ABHD13: variants seen among roughly 807,000 people sequenced by gnomAD.
ABHD13 encodes abhydrolase domain containing 13.
In ABHD13, 7 loss-of-function variants were observed where a neutral mutation model predicts 25.2. The observed-to-expected ratio is 0.28, with a 90% CI of 0.16 to 0.52. The LOEUF (loss-of-function observed/expected upper bound fraction) is 0.52, where lower values mean the gene tolerates loss of function less well. Ranked by LOEUF, ABHD13 falls within the 20% of genes least tolerant of loss-of-function variation. ABHD13 has a pLI of 0.96. For synonymous variants in ABHD13, 133 were observed against 136.1 expected (o/e 0.98, Z 0.16); for missense variants, 302 against 402.7 (o/e 0.75, Z 2.14).
At chr13:108,227,557 A>G (rs1182180896) in intron 1 of ABHD13, among the ~76,000 whole-genome samples, 2 of 152,066 alleles carry the variant, frequency 1.3e-5, no homozygotes, top group Non-Finnish European at 2.9e-5. Flanking sequence ...TTATTCGTGT[A>G]TTTGGAGCTA....
chr13:108,230,060 A>T lies in ABHD13; in HGVS notation c.842A>T (p.Glu281Val). 6.2e-7 allele frequency: 1 copy of T among 1,613,140 alleles called. No homozygotes were observed. Among genetic ancestry groups the T allele is most frequent in the Non-Finnish European group, 8.5e-7 (1 of 1,179,362 alleles). The change falls in exon 2 of 2, where the codon GAA becomes GTA. Residue 281 changes from glutamate (E) to valine (V), a missense_variant. By Grantham distance (121) the Glu-to-Val change is moderately radical. Coordinates refer to ENST00000375898, the MANE Select transcript of ABHD13 (RefSeq NM_032859.3). The stretch of plus-strand genomic sequence containing the variant: ...CCAGTAATGATGAAACAACTTTATG[A>T]ACTCTCCCCATCTCGGACTAAGAGA... Reference protein sequence around the residue: ...IPPVMMKQLYELSPSRTKRLA... With the variant: ...IPPVMMKQLYVLSPSRTKRLA...
Position 108,230,441 on chromosome 13 carries a change from T to G in ABHD13, c.*209T>G. On this transcript the variant is annotated 3_prime_UTR_variant, in exon 2 of 2. Coordinates refer to ENST00000375898, the MANE Select transcript of ABHD13 (RefSeq NM_032859.3). ...CTTTCATACATTTTCATCAAAACTT[T>G]CAGTGTGATTATGTATTCATATCTT... The G allele has an allele frequency of 2.0e-6, 1 of 504,484 alleles. No individual in the cohort carries two copies. The highest frequency in any genetic ancestry group is 3.6e-6 in the Non-Finnish European group (1 of 278,040). 31.3% of individuals were successfully genotyped at this position (504,484 alleles called of 1,614,324 possible).
At chr13:108,224,949 G>A (rs910909793) in intron 1 of ABHD13, among the ~76,000 whole-genome samples, 2 of 152,134 alleles carry the variant, frequency 1.3e-5, no homozygotes, top group South Asian at 2.1e-4. Context: ...ATAAAGATTA[G>A]TTATGCTTTC....
intron 1 of ABHD13, among the ~76,000 whole-genome samples, chr13:108,222,484 G>T (rs1016119133): frequency 1.3e-5 from 2 of 151,984 alleles, no homozygotes; most frequent in African/African-American, 4.8e-5. Context: ...AAGTCTCTGG[G>T]GCATAAGGCA....
rs1304268275 is a variant in ABHD13 at position 108,233,614 on chromosome 13, G to A, written c.*3382G>A. On this transcript the variant is annotated 3_prime_UTR_variant, in exon 2 of 2. Transcript: ENST00000375898. ...AATTTAGGTATTTTCATATTACTCA[G>A]GTAAAGATGGAAATGACAGAGCACA... 1.8e-5 allele frequency: 3 copies of A among 166,432 alleles called. No homozygotes were observed. The highest frequency in any genetic ancestry group is 7.3e-5 in the African/African-American group (3 of 41,278). 10.3% of individuals were successfully genotyped at this position (166,432 alleles called of 1,614,324 possible).
rs1879737169 is a variant in ABHD13, at chr13:108,229,183, C to T, written c.-20-16C>T. 1 of 1,477,270 alleles carries T rather than the reference C, an allele frequency of 6.8e-7. No individual in the cohort carries two copies. The highest frequency in any genetic ancestry group is 2.4e-5 in the Admixed American group (1 of 41,482). The allele number at this position is 1,477,270 out of a possible 1,614,324, so 91.5% of individuals were successfully genotyped here. A position where few individuals can be genotyped will look rare whatever the true frequency, so the allele number is the denominator to read the frequency against. On this transcript the variant is annotated splice_polypyrimidine_tract_variant and intron_variant, in intron 1 of 1. Coordinates refer to ENST00000375898, the MANE Select transcript of ABHD13 (RefSeq NM_032859.3). This position sits in a 1 kb window ranked among gnomAD's most constrained non-coding sequence, Gnocchi z 4.7. Reference sequence around the variant, plus strand: ...ATAGACGTTGAATTATTGATATTCTCCCTCTCTCTCTCTAGGATACTTACA... The same window carrying T: ...ATAGACGTTGAATTATTGATATTCTTCCTCTCTCTCTCTAGGATACTTACA...
rs1257872939 is a variant in ABHD13 at position 108,233,027 on chromosome 13, G to C, written c.*2795G>C. On this transcript the variant is annotated 3_prime_UTR_variant, in exon 2 of 2. Transcript: ENST00000375898. ...GCATTTCTAACAAAAAGTGACTGGA[G>C]CACTTGCCATTGCAACAACCCTGTT... 4 of 166,868 alleles carry C rather than the reference G, an allele frequency of 2.4e-5. No individual in the cohort carries two copies. The highest frequency in any genetic ancestry group is 5.9e-5 in the Non-Finnish European group (4 of 67,988). The allele number at this position is 166,868 out of a possible 1,614,324, so 10.3% of individuals were successfully genotyped here.
chr13:108,230,381 A>C lies in ABHD13; in HGVS notation c.*149A>C. On this transcript the variant is annotated 3_prime_UTR_variant, in exon 2 of 2. Transcript: ENST00000375898. ...ACTGCTCCTTTACGATATTCCAAAT[A>C]GTTTTTTACATTGGAAAAACTAATT... 1.5e-6 allele frequency: 1 copy of C among 651,668 alleles called. No individual in the cohort carries two copies. Among genetic ancestry groups the C allele is most frequent in the Non-Finnish European group, 2.5e-6 (1 of 398,620 alleles). 40.4% of individuals were successfully genotyped at this position (651,668 alleles called of 1,614,324 possible).
intron 1 of ABHD13, among the ~76,000 whole-genome samples, chr13:108,225,199 G>A (rs890848409): frequency 2.0e-5 from 3 of 152,110 alleles, no homozygotes; most frequent in Admixed American, 6.6e-5. Flanking sequence ...TCTGCAAAAC[G>A]TTGGGAAGGG....
intron 1 of ABHD13, among the ~76,000 whole-genome samples, chr13:108,219,996 A>G (rs1415051621): frequency 6.6e-6 from 1 of 152,246 alleles, no homozygotes; most frequent in Non-Finnish European, 1.5e-5. Context: ...GCTATAGTAC[A>G]TAATTAAGTA....
intron 1 of ABHD13, among the ~76,000 whole-genome samples, chr13:108,219,741 C>T (rs1456692281): frequency 6.6e-6 from 1 of 152,176 alleles, no homozygotes; most frequent in African/African-American, 2.4e-5. Flanking sequence ...GTTAATTACG[C>T]TGTAATAGTA....
intron 1 of ABHD13, among the ~76,000 whole-genome samples, chr13:108,221,972 G>A (rs912915329): frequency 4.6e-5 from 7 of 152,016 alleles, no homozygotes; most frequent in Admixed American, 2.0e-4. Flanking sequence ...CTAGTAGCTG[G>A]GATTACAGGC....
In ABHD13 at chr13:108,231,894, A is replaced by C. The variant is rs978935243; in HGVS notation, c.*1662A>C. The C allele has an allele frequency of 6.0e-6, 1 of 166,894 alleles. No individual in the cohort carries two copies. The highest frequency in any genetic ancestry group is 2.4e-5 in the African/African-American group (1 of 41,448). The allele number at this position is 166,894 out of a possible 1,614,324, so 10.3% of individuals were successfully genotyped here. A position where few individuals can be genotyped will look rare whatever the true frequency, so the allele number is the denominator to read the frequency against. ...TTTCTATAAATTACTAATTGTAAAA[A>C]GTCTTGCTTTTTAAAACAAGTTGGT... On this transcript the variant is annotated 3_prime_UTR_variant, in exon 2 of 2. Transcript: ENST00000375898.
chr13:108,221,377 G>T (rs1370215805), intron 1 of ABHD13, among the ~76,000 whole-genome samples: 1 of 152,198 alleles, frequency 6.6e-6, no homozygotes, highest in East Asian at 1.9e-4. Context: ...AACAGAAGAG[G>T]AGAGAGATTG....
intron 1 of ABHD13, among the ~76,000 whole-genome samples, chr13:108,227,341 A>G (rs56868138): frequency 0.047 from 7,100 of 152,196 alleles, 188 homozygotes; most frequent in East Asian, 0.11. Context: ...GTAAGTATAT[A>G]TAAAGTGCTG....
chr13:108,228,160 A>G (rs1055048726), intron 1 of ABHD13, among the ~76,000 whole-genome samples: 1 of 151,984 alleles, frequency 6.6e-6, no homozygotes, highest in African/African-American at 2.4e-5. Context: ...GACAACATGT[A>G]TAAACCTTTT....
intron 1 of ABHD13, among the ~76,000 whole-genome samples, chr13:108,225,694 G>A (rs1360904832): frequency 6.6e-6 from 1 of 152,134 alleles, no homozygotes; most frequent in African/African-American, 2.4e-5. Flanking sequence ...TACCAGATCT[G>A]ATAACATAGC....
intron 1 of ABHD13, among the ~76,000 whole-genome samples, chr13:108,223,221 T>A (rs1187901644): frequency 1.3e-5 from 2 of 152,232 alleles, no homozygotes; most frequent in African/African-American, 4.8e-5. Flanking sequence ...ATTACCACAG[T>A]GCCATCAAAA....
At chr13:108,226,457 T>G (rs1463785650) in intron 1 of ABHD13, among the ~76,000 whole-genome samples, 1 of 152,074 alleles carries the variant, frequency 6.6e-6, no homozygotes. Flanking sequence ...GTAGGAGCCA[T>G]TTTTACTACA....
Sources: allele counts gnomAD v4.1 joint callset (sites outside exome capture counted in the v4.1 genomes callset), GRCh38; gene constraint gnomAD v4.1.1; non-coding constraint Gnocchi (gnomAD v3.1); transcripts MANE v1.5; gene names NCBI Gene and HGNC (gene_info 2026-07-23, HGNC 2026-07-21).